The following BTBD9 variants were observed in gnomAD, a reference collection of about 807,000 sequenced individuals.
BTBD9 encodes BTB domain containing 9.
In BTBD9, 49 loss-of-function variants were observed where a neutral mutation model predicts 64.3. That is an observed-to-expected ratio of 0.76 (90% CI 0.61 to 0.97). BTBD9 has a LOEUF of 0.97. Ranked by LOEUF, BTBD9 falls within the 50% of genes least tolerant of loss-of-function variation. The pLI is 0.00. For missense variants in BTBD9, 598 were observed against 762.1 expected (o/e 0.78, Z 2.53); for synonymous variants, 260 against 274.7 (o/e 0.95, Z 0.53).
intron 6 of BTBD9, among the ~76,000 whole-genome samples, chr6:38,454,747 T>A (rs796136279): frequency 6.6e-6 from 1 of 150,820 alleles, no homozygotes; most frequent in Non-Finnish European, 1.5e-5. Context: ...CAGTGAGCTA[T>A]GAATGATCAT....
At chr6:38,203,525 A>C (rs1025908252) in intron 9 of BTBD9, among the ~76,000 whole-genome samples, 5 of 152,242 alleles carry the variant, frequency 3.3e-5, no homozygotes, top group Non-Finnish European at 7.3e-5. Flanking sequence ...CGTAAGGGTA[A>C]AGAAAATGTG....
chr6:38,419,504 A>G (rs1478228982), intron 6 of BTBD9, among the ~76,000 whole-genome samples: 1 of 152,252 alleles, frequency 6.6e-6, no homozygotes, highest in East Asian at 1.9e-4. Flanking sequence ...TGTGATTAAA[A>G]GAATCAGAAT....
intron 6 of BTBD9, among the ~76,000 whole-genome samples, chr6:38,459,705 A>G (rs1312050796): frequency 6.6e-6 from 1 of 152,198 alleles, no homozygotes; most frequent in Non-Finnish European, 1.5e-5. Context: ...ATTACAATAC[A>G]GCTTAGCCTA....
intron 1 of BTBD9, among the ~76,000 whole-genome samples, chr6:38,604,327 A>G (rs1777353357): frequency 6.6e-6 from 1 of 152,246 alleles, no homozygotes; most frequent in South Asian, 2.1e-4. Flanking sequence ...ACTAAAGAAT[A>G]GTATCATAAA....
chr6:38,485,363 T>C (rs150951471), intron 6 of BTBD9, among the ~76,000 whole-genome samples: 1 of 152,358 alleles, frequency 6.6e-6, no homozygotes, highest in Non-Finnish European at 1.5e-5. Flanking sequence ...ATCAGAGGAA[T>C]CAAAAGAATT....
In BTBD9 at chr6:38,391,047, T is replaced by C. The variant is rs543666459; in HGVS notation, c.1155-45954A>G. Among the ~76,000 whole-genome samples the C allele has an allele frequency of 2.6e-5, 4 of 152,314 alleles. No homozygotes were observed. The East Asian group carries it at 7.7e-4, about 29-fold the overall frequency. ...CTCCGTAATCCTGGAATATCAAAGC[T>C]TCAAATCTTACCCATTTTTAAAGAC... On this transcript the variant is annotated intron_variant, in intron 6 of 10. Transcript: ENST00000481247.
At chr6:38,623,279 T>A (rs1778052728) in intron 1 of BTBD9, among the ~76,000 whole-genome samples, 1 of 152,144 alleles carries the variant, frequency 6.6e-6, no homozygotes, top group African/African-American at 2.4e-5. Context: ...TTAGACTCTA[T>A]CAGTGCCCCT....
At chr6:38,258,806 C>T (rs1477402001) in intron 8 of BTBD9, among the ~76,000 whole-genome samples, 1 of 152,212 alleles carries the variant, frequency 6.6e-6, no homozygotes, top group Non-Finnish European at 1.5e-5. Context: ...AGGAGAATCG[C>T]TTGAATCCAG....
rs1056805260 is a variant in BTBD9, at chr6:38,484,728, A to T, written c.1154+92872T>A. On this transcript the variant is annotated intron_variant, in intron 6 of 10. Transcript: ENST00000481247. Reference sequence around the variant, plus strand: ...TTAAGTGTGCAACAGCATTATGTCCAAAAAAAGTACAGATTATTAATTAAA... The same window carrying T: ...TTAAGTGTGCAACAGCATTATGTCCTAAAAAAGTACAGATTATTAATTAAA... Among the ~76,000 whole-genome samples the T allele has an allele frequency of 2.0e-5, 3 of 152,204 alleles. No individual in the cohort carries two copies. In the East Asian group the frequency reaches 5.8e-4, roughly 29 times the overall value.
intron 6 of BTBD9, among the ~76,000 whole-genome samples, chr6:38,352,301 C>T (rs1582277173): frequency 1.3e-5 from 2 of 151,668 alleles, no homozygotes; most frequent in East Asian, 3.9e-4. Context: ...CAATTAAGCC[C>T]AGGAAGTTGA....
intron 6 of BTBD9, among the ~76,000 whole-genome samples, chr6:38,375,672 A>G (rs527811243): frequency 1.8e-4 from 28 of 152,312 alleles, no homozygotes; most frequent in Admixed American, 8.5e-4. Context: ...TTCAAAGAAG[A>G]CAAGGTCTGT....
At chr6:38,427,732 A>G (rs535445317) in intron 6 of BTBD9, among the ~76,000 whole-genome samples, 1 of 152,138 alleles carries the variant, frequency 6.6e-6, no homozygotes, top group East Asian at 1.9e-4. Context: ...GAAAATCCAC[A>G]AAGATCTGTT....
chr6:38,461,358 T>C (rs1770076508), intron 6 of BTBD9, among the ~76,000 whole-genome samples: 1 of 152,218 alleles, frequency 6.6e-6, no homozygotes. Context: ...CAATCTGTAG[T>C]GCTTTCTGAC....
chr6:38,228,860 G>A (rs1270532511), intron 9 of BTBD9, among the ~76,000 whole-genome samples: 9 of 147,872 alleles, frequency 6.1e-5, no homozygotes, highest in Non-Finnish European at 8.9e-5. Flanking sequence ...GCGGCAGAGC[G>A]AGGCTCCGTC....
At chr6:38,631,368 C>A (rs1263080379) in intron 1 of BTBD9, among the ~76,000 whole-genome samples, 2 of 152,188 alleles carry the variant, frequency 1.3e-5, no homozygotes, top group Non-Finnish European at 2.9e-5. Context: ...AATATGCCCA[C>A]AAATTATTTG....
intron 1 of BTBD9, among the ~76,000 whole-genome samples, chr6:38,600,701 A>T (rs541867361): frequency 1.1e-4 from 16 of 152,126 alleles, no homozygotes; most frequent in Non-Finnish European, 2.1e-4. Flanking sequence ...GCTAATACTC[A>T]TATTACTTAC....
rs148188174 is a variant in BTBD9, at chr6:38,236,510, G to A, written c.1562+19899C>T. ...TGAAGGAAAGACTCATTTGGATTAC[G>A]ACAGTTAGCCAACACACGCAGGTCT... On this transcript the variant is annotated intron_variant, in intron 9 of 10. Transcript: ENST00000481247. Among the ~76,000 whole-genome samples, 408 of 152,288 alleles carry A rather than the reference G, an allele frequency of 2.7e-3. 2 individuals are homozygous for A. Among genetic ancestry groups the A allele is most frequent in the African/African-American group, 8.8e-3 (367 of 41,558 alleles).
intron 9 of BTBD9, among the ~76,000 whole-genome samples, chr6:38,244,938 C>T (rs994974222): frequency 1.3e-5 from 2 of 152,208 alleles, no homozygotes; most frequent in African/African-American, 2.4e-5. Context: ...CTCTTCCTTG[C>T]GCTTTATGTG....
chr6:38,634,848 A>AT (rs1473774018), intron 1 of BTBD9, among the ~76,000 whole-genome samples: 2 of 152,224 alleles, frequency 1.3e-5, no homozygotes, highest in Non-Finnish European at 2.9e-5. Flanking sequence ...AAAAATAAGA[A>AT]TGAGATAAGC....
Sources: gnomAD v4.1 joint callset for allele counts (sites outside exome capture counted in the v4.1 genomes callset) on GRCh38, gnomAD v4.1.1 for gene constraint, MANE v1.5 for transcripts, NCBI Gene and HGNC (gene_info 2026-07-23, HGNC 2026-07-21) for gene names.